SPATA13: variants seen among roughly 807,000 people sequenced by gnomAD.
The protein encoded by SPATA13 is spermatogenesis associated 13.
SPATA13 carries 50 observed loss-of-function variants against 104.0 expected under a neutral mutation model. The ratio of observed to expected loss-of-function variants is 0.48; its 90% CI spans 0.38 to 0.61. The LOEUF (loss-of-function observed/expected upper bound fraction) is 0.61. Ranked by LOEUF, SPATA13 falls within the 20% of genes least tolerant of loss-of-function variation. The pLI, the probability that SPATA13 is intolerant of heterozygous loss-of-function variation, is 0.00. For synonymous variants in SPATA13, 606 were observed against 667.5 expected, an observed-to-expected ratio of 0.91 and a Z score of 1.42; for missense variants, 1,524 against 1,690.6, an observed-to-expected ratio of 0.90 and a Z score of 1.73.
At chr13:24,104,178 A>G (rs1880359611) in intron 3 of SPATA13, among the ~76,000 whole-genome samples, 1 of 152,236 alleles carries the variant, frequency 6.6e-6, no homozygotes, top group South Asian at 2.1e-4. Flanking sequence ...AAATCCCAGT[A>G]AGGAAAGGTC....
At chr13:24,136,229 T>A (rs1182803511) in intron 3 of SPATA13, among the ~76,000 whole-genome samples, 1 of 152,190 alleles carries the variant, frequency 6.6e-6, no homozygotes, top group Non-Finnish European at 1.5e-5. Context: ...CCTAGCACTT[T>A]GGGAGGCCGA....
At chr13:24,266,987 T>C (rs1234171492) in intron 4 of SPATA13, among the ~76,000 whole-genome samples, 3 of 152,072 alleles carry the variant, frequency 2.0e-5, no homozygotes, top group African/African-American at 7.2e-5. Context: ...GAACTATGGT[T>C]TAGGTTTTCG....
intron 3 of SPATA13, among the ~76,000 whole-genome samples, chr13:24,036,929 C>A (rs1877705291): frequency 6.6e-6 from 1 of 151,882 alleles, no homozygotes; most frequent in South Asian, 2.1e-4. Flanking sequence ...GCGTGCACCA[C>A]CATGCCCAGC....
At chr13:24,248,478 A>G (rs945310555) in intron 2 of SPATA13, among the ~76,000 whole-genome samples, 3 of 152,218 alleles carry the variant, frequency 2.0e-5, no homozygotes, top group African/African-American at 7.2e-5. Context: ...TATCTGAAAA[A>G]ATTAGAAGGT....
chr13:24,097,503 TG>T (rs1465826850), intron 3 of SPATA13, among the ~76,000 whole-genome samples: 5 of 151,618 alleles, frequency 3.3e-5, no homozygotes, highest in Non-Finnish European at 2.9e-5. Context: ...TACTAGATTC[TG>T]GGGAGACTGC....
At chr13:24,008,126 G>C (rs1876312995) in intron 2 of SPATA13, among the ~76,000 whole-genome samples, 1 of 152,204 alleles carries the variant, frequency 6.6e-6, no homozygotes, top group Admixed American at 6.5e-5. Flanking sequence ...AAGCTGGTGT[G>C]CTGAGGGAGA....
At chr13:23,989,134 A>T (rs1875288275) in intron 2 of SPATA13, among the ~76,000 whole-genome samples, 2 of 152,062 alleles carry the variant, frequency 1.3e-5, no homozygotes, top group African/African-American at 2.4e-5. Context: ...TAATGTTAAG[A>T]TTTACTTGGC....
At chr13:24,191,854 A>T (rs1158486335) in intron 1 of SPATA13, among the ~76,000 whole-genome samples, 1 of 152,102 alleles carries the variant, frequency 6.6e-6, no homozygotes, top group African/African-American at 2.4e-5. Flanking sequence ...ACCTCATCAG[A>T]GTAATGAAAA....
intron 3 of SPATA13, among the ~76,000 whole-genome samples, chr13:24,025,709 C>T (rs1453224621): frequency 6.6e-6 from 1 of 152,158 alleles, no homozygotes; most frequent in African/African-American, 2.4e-5. Flanking sequence ...CTTTTTGTGA[C>T]TTTCAAAGAA....
At chr13:24,113,716 A>G (rs909799048) in intron 3 of SPATA13, among the ~76,000 whole-genome samples, 1 of 151,902 alleles carries the variant, frequency 6.6e-6, no homozygotes, top group African/African-American at 2.4e-5. Context: ...CTAAAAATAC[A>G]AACATTAGCT....
intron 8 of SPATA13, among the ~76,000 whole-genome samples, chr13:24,289,590 CT>C (rs1876191083): frequency 6.6e-6 from 1 of 152,112 alleles, no homozygotes; most frequent in Non-Finnish European, 1.5e-5. Flanking sequence ...TTATCTCTCA[CT>C]TTCTAGATGA....
chr13:24,202,520 C>CTTTTTTTTTTTTTTTTTTTTTT (rs10608738), intron 1 of SPATA13, among the ~76,000 whole-genome samples: 1 of 88,342 alleles, frequency 1.1e-5, no homozygotes, highest in African/African-American at 4.2e-5. Flanking sequence ...CTTTCTTTCC[C>CTTTTTTTTTTTTTTTTTTTTTT]TTTTTTTTTT....
intron 3 of SPATA13, among the ~76,000 whole-genome samples, chr13:24,106,133 T>C (rs750098884): frequency 3.3e-5 from 5 of 152,144 alleles, no homozygotes; most frequent in Admixed American, 2.6e-4. Flanking sequence ...TCCTGGACTC[T>C]TGCAACCCTC....
At chr13:24,203,364 A>G (rs1264095865) in intron 1 of SPATA13, among the ~76,000 whole-genome samples, 1 of 152,044 alleles carries the variant, frequency 6.6e-6, no homozygotes, top group African/African-American at 2.4e-5. Context: ...ATAATATAGC[A>G]CTCAACTTTT....
chr13:24,274,338 T>C (rs1039137838), intron 4 of SPATA13, among the ~76,000 whole-genome samples: 1 of 152,246 alleles, frequency 6.6e-6, no homozygotes, highest in Non-Finnish European at 1.5e-5. Context: ...AAATAAATTC[T>C]CAGCCAACAT....
chr13:24,241,444 C>G (rs9580905), intron 2 of SPATA13, among the ~76,000 whole-genome samples: 1 of 152,260 alleles, frequency 6.6e-6, no homozygotes, highest in Admixed American at 6.5e-5. Context: ...CTCAGCGAAA[C>G]GCAGAGTGTT....
intron 3 of SPATA13, among the ~76,000 whole-genome samples, chr13:24,039,674 T>C (rs549026324): frequency 6.6e-6 from 1 of 152,254 alleles, no homozygotes; most frequent in South Asian, 2.1e-4. Flanking sequence ...GAGGGGTCCA[T>C]AGGTTGTGAG....
In SPATA13 at chr13:24,295,258, T is replaced by C. The variant is rs1876685087; in HGVS notation, c.3210+390T>C. Reference sequence around the variant, plus strand: ...ATGATCTGGCCAAGATTAATTTTTTTATCTTATAAATTGGGGAGGAAAATA... The same window carrying C: ...ATGATCTGGCCAAGATTAATTTTTTCATCTTATAAATTGGGGAGGAAAATA... On this transcript the variant is annotated intron_variant, in intron 10 of 12. Transcript: ENST00000382108. Among the ~76,000 whole-genome samples the C allele has an allele frequency of 2.6e-5, 4 of 152,228 alleles. No individual in the cohort carries two copies. The South Asian group carries it at 8.3e-4, about 32-fold the overall frequency.
intron 1 of SPATA13, among the ~76,000 whole-genome samples, chr13:24,211,361 C>T (rs537141182): frequency 2.6e-5 from 4 of 152,238 alleles, no homozygotes; most frequent in Admixed American, 2.6e-4. Flanking sequence ...TTCAGGTTTG[C>T]ACTATTGGGT....
Sources: allele counts gnomAD v4.1 joint callset (sites outside exome capture counted in the v4.1 genomes callset), GRCh38; gene constraint gnomAD v4.1.1; transcripts MANE v1.5; gene names NCBI Gene and HGNC (gene_info 2026-07-23, HGNC 2026-07-21).